The following TGM5 variants were observed in gnomAD, a reference collection of about 807,000 sequenced individuals.
TGM5 encodes the protein protein-glutamine gamma-glutamyltransferase 5.
In TGM5, 69 loss-of-function variants were observed where a neutral mutation model predicts 77.2. The ratio of observed to expected loss-of-function variants is 0.89; its 90% CI spans 0.74 to 1.09. The LOEUF (loss-of-function observed/expected upper bound fraction) is 1.09. Among genes scored for constraint, TGM5 ranks in the 50% least tolerant of loss-of-function variants. The probability of loss-of-function intolerance (pLI) is 0.00; values close to 1 mark genes in which losing one functional copy is unlikely to be tolerated. For missense variants in TGM5, 842 were observed against 896.5 expected, an observed-to-expected ratio of 0.94 and a Z score of 0.78; for synonymous variants, 346 against 351.8, an observed-to-expected ratio of 0.98 and a Z score of 0.18.
intron 9 of TGM5, among the ~76,000 whole-genome samples, chr15:43,236,071 T>C (rs996034528): frequency 6.6e-6 from 1 of 152,196 alleles, no homozygotes; most frequent in Non-Finnish European, 1.5e-5. Context: ...ATTCTTCTTC[T>C]TCTTCTTCTT....
At chr15:43,258,970 C>T (rs2042764626) in intron 3 of TGM5, among the ~76,000 whole-genome samples, 1 of 152,128 alleles carries the variant, frequency 6.6e-6, no homozygotes, top group Non-Finnish European at 1.5e-5. Flanking sequence ...CTCAGCCATT[C>T]GGGGACAGGG....
chr15:43,234,952 G>C (rs1175421500), intron 10 of TGM5, 23 bp from the exon 11 acceptor site: 1 of 1,613,126 alleles, frequency 6.2e-7, no homozygotes, highest in Admixed American at 1.7e-5. Flanking sequence ...CACAAGGATG[G>C]GGTGAGAGTA....
At chr15:43,248,960 G>A (rs2042686609) in intron 6 of TGM5, among the ~76,000 whole-genome samples, 2 of 152,186 alleles carry the variant, frequency 1.3e-5, no homozygotes, top group Non-Finnish European at 2.9e-5. Context: ...GTGAGGATTT[G>A]ATGTATAAAA....
chr15:43,257,064 A>G (rs2042747178), intron 3 of TGM5, among the ~76,000 whole-genome samples: 1 of 152,186 alleles, frequency 6.6e-6, no homozygotes, highest in South Asian at 2.1e-4. Context: ...TTTTTCTGCT[A>G]TACTAATCTT....
At chr15:43,255,588 G>A (rs2042737093) in intron 4 of TGM5, among the ~76,000 whole-genome samples, 1 of 152,104 alleles carries the variant, frequency 6.6e-6, no homozygotes, top group African/African-American at 2.4e-5. Flanking sequence ...CACATATGTT[G>A]GAGTTCTATT....
At chr15:43,233,372 A>C in intron 12 of TGM5, 28 bp from the exon 13 acceptor site, 17 of 1,612,778 alleles carry the variant, frequency 1.1e-5, no homozygotes, top group Non-Finnish European at 1.4e-5. Context: ...GCATGTCAGA[A>C]AACCAAAAGC....
At chr15:43,244,851 T>C (rs565368025) in intron 6 of TGM5, among the ~76,000 whole-genome samples, 6 of 152,226 alleles carry the variant, frequency 3.9e-5, no homozygotes, top group African/African-American at 1.4e-4. Context: ...GAGGATTGCT[T>C]GAGCCCAGGA....
intron 4 of TGM5, among the ~76,000 whole-genome samples, chr15:43,254,664 T>C (rs1332515939): frequency 2.0e-5 from 3 of 150,820 alleles, no homozygotes; most frequent in Non-Finnish European, 4.4e-5. Flanking sequence ...ATCCCTACCA[T>C]TTTTTCTCCA....
chr15:43,258,213 G>A (rs1352352026), intron 3 of TGM5, among the ~76,000 whole-genome samples: 5 of 146,596 alleles, frequency 3.4e-5, no homozygotes, highest in Non-Finnish European at 7.5e-5. Context: ...ACATACCATA[G>A]AACTTAACGT....
At chr15:43,260,704 A>T in intron 1 of TGM5, 125 bp from the exon 2 acceptor site, 1 of 1,009,984 alleles carries the variant, frequency 9.9e-7, no homozygotes, top group Non-Finnish European at 1.5e-6. Flanking sequence ...ATATCAGTAA[A>T]ATAGAGTCCA....
At chr15:43,259,325 C>T (rs891689784) in intron 3 of TGM5, among the ~76,000 whole-genome samples, 4 of 150,850 alleles carry the variant, frequency 2.7e-5, no homozygotes, top group South Asian at 2.1e-4. Context: ...AAAAAAAAAC[C>T]GGAAACAGCT....
chr15:43,259,967 G>A (rs2042772119), intron 3 of TGM5, 85 bp downstream of exon 3: 7 of 1,600,460 alleles, frequency 4.4e-6, no homozygotes, highest in Non-Finnish European at 6.0e-6. Flanking sequence ...TGGCCCGGGA[G>A]CGGGGTCTAG....
chr15:43,244,668 G>C (rs1227119470), intron 6 of TGM5, among the ~76,000 whole-genome samples: 1 of 152,184 alleles, frequency 6.6e-6, no homozygotes, highest in Non-Finnish European at 1.5e-5. Flanking sequence ...TTGAGACCAG[G>C]TAGTCAATTA....
Position 43,253,565 on chromosome 15 carries a change from C to G in TGM5, c.625G>C (p.Ala209Pro), listed in dbSNP as rs768039393. The change falls in exon 5 of 13, where the codon GCC (alanine) becomes CCC (proline). Residue 209 changes from alanine to proline, a missense_variant. Physicochemically the swap from Ala to Pro is conservative, Grantham distance 27. Around this residue, in one of 2 missense-constraint regions of TGM5, gnomAD observed 815 missense variants for 844.6 expected, o/e 0.96. Coordinates refer to ENST00000220420, the MANE Select transcript of TGM5 (RefSeq NM_201631.4). ...DKSLHFQTDP[A>P]TDCALRGSPV... ...CTTCCCCGCAGAGCACAGTCTGTGG[C>G]TGGGTCAGTCTGGAAGTGCAGGCTC... 1.9e-6 allele frequency: 3 copies of G among 1,613,862 alleles called. No individual in the cohort carries two copies. Among genetic ancestry groups the G allele is most frequent in the South Asian group, 2.2e-5 (2 of 91,084 alleles).
intron 1 of TGM5, among the ~76,000 whole-genome samples, chr15:43,265,384 AATTT>A (rs1218205625): frequency 6.6e-6 from 1 of 152,220 alleles, no homozygotes; most frequent in Non-Finnish European, 1.5e-5. Context: ...TTTGGAGACC[AATTT>A]ATTAGACAGC....
At chr15:43,259,935 A>G in intron 3 of TGM5, 117 bp downstream of exon 3, 2 of 1,441,114 alleles carry the variant, frequency 1.4e-6, no homozygotes, top group South Asian at 2.3e-5. Context: ...TGCTGAGTGC[A>G]GGGAATTGAG....
intron 4 of TGM5, among the ~76,000 whole-genome samples, chr15:43,254,044 C>T (rs891688951): frequency 4.6e-5 from 7 of 152,262 alleles, no homozygotes; most frequent in African/African-American, 1.4e-4. Context: ...GCATTGGCAG[C>T]TACTGCTGAA....
rs1352827933 is a variant in TGM5 at position 43,252,802 on chromosome 15, C to T, written c.819G>A (p.Val273=). ...KQWNATGCQP[V]RYGQCWVFAA... ...CAAAGACCCAGCATTGCCCGTAGCGCACGGGCTGGCAGCCTGTGGCGTTCC... is the reference window on the plus strand; with the variant it reads ...CAAAGACCCAGCATTGCCCGTAGCGTACGGGCTGGCAGCCTGTGGCGTTCC... The change falls in exon 6 of 13, where the codon GTG becomes GTA. Residue 273 remains valine (V), a synonymous_variant. Coordinates refer to ENST00000220420, the MANE Select transcript of TGM5 (RefSeq NM_201631.4). The T allele has an allele frequency of 6.2e-7, 1 of 1,614,080 alleles. No individual in the cohort carries two copies.
chr15:43,266,504 C>T (rs908934857), intron 1 of TGM5, among the ~76,000 whole-genome samples: 10 of 152,086 alleles, frequency 6.6e-5, no homozygotes, highest in African/African-American at 2.2e-4. Flanking sequence ...AAACTAGAGG[C>T]GAAGTGACTT....
Sources: allele counts gnomAD v4.1 joint callset (sites outside exome capture counted in the v4.1 genomes callset), GRCh38; gene constraint gnomAD v4.1.1; regional missense constraint gnomAD v4.1.1; transcripts MANE v1.5; gene names NCBI Gene and HGNC (gene_info 2026-07-23, HGNC 2026-07-21).